PTPRC: variants seen among roughly 807,000 people sequenced by gnomAD.
The protein encoded by PTPRC is protein tyrosine phosphatase receptor type C, also known as receptor-type tyrosine-protein phosphatase C.
A neutral mutation model predicts 155.9 loss-of-function variants in PTPRC; 44 were observed. The observed-to-expected ratio is 0.28, with a 90% CI of 0.22 to 0.36. PTPRC has a LOEUF of 0.36. Among genes scored for constraint, PTPRC ranks in the 10% least tolerant of loss-of-function variants. The pLI is 1.00. For synonymous variants in PTPRC, 525 were observed against 533.1 expected (o/e 0.98, Z 0.21); for missense variants, 1,401 against 1,564.6 (o/e 0.90, Z 1.76).
chr1:198,720,375 G>T (rs1274516016), intron 14 of PTPRC, among the ~76,000 whole-genome samples: 1 of 152,088 alleles, frequency 6.6e-6, no homozygotes, highest in Non-Finnish European at 1.5e-5. Flanking sequence ...TTGTCACCCA[G>T]GCTGGAGTGA....
chr1:198,756,094 T>TGAAG lies in PTPRC; in HGVS notation c.3836_3839dup (p.Ser1281ArgfsTer3). 6.2e-7 allele frequency: 1 copy of TGAAG among 1,613,468 alleles called. No homozygotes were observed. Among genetic ancestry groups the TGAAG allele is most frequent in the Non-Finnish European group, 8.5e-7 (1 of 1,179,684 alleles). Reference sequence around the variant, plus strand: ...AGCTCCCTGAAGCAAAGGAACAGGCTGAAGGTTCTGAACCCACGAGTGGCA... The same window carrying TGAAG: ...AGCTCCCTGAAGCAAAGGAACAGGCTGAAGGAAGGTTCTGAACCCACGAGTGGCA... On this transcript the variant is annotated frameshift_variant, in exon 33 of 33. Transcript: ENST00000442510. LOFTEE classifies it low-confidence loss of function (END_TRUNC).
intron 2 of PTPRC, among the ~76,000 whole-genome samples, chr1:198,658,270 G>C (rs899597086): frequency 3.3e-5 from 5 of 152,144 alleles, no homozygotes; most frequent in African/African-American, 1.2e-4. Context: ...ATAATTCTAT[G>C]AGATAATCTG....
Position 198,717,985 on chromosome 1 carries a change from AC to A in PTPRC, c.1451-104del, listed in dbSNP as rs34800651. Reference sequence around the variant, plus strand: ...TACTATCATAACTTCCTTATTTATAACCCCCAAGCTAACACTTAAAATACTT... The same window carrying A: ...TACTATCATAACTTCCTTATTTATAACCCCAAGCTAACACTTAAAATACTT... On this transcript the variant is annotated intron_variant, in intron 13 of 32. Transcript: ENST00000442510. 0.11 allele frequency: 99,419 copies of A among 903,162 alleles called. 6,291 individuals are homozygous for A. Among genetic ancestry groups the A allele is most frequent in the Non-Finnish European group, 0.13 (72,003 of 565,384 alleles). 55.9% of individuals were successfully genotyped at this position (903,162 alleles called of 1,614,324 possible). A position where few individuals can be genotyped will look rare whatever the true frequency, so the allele number is the denominator to read the frequency against.
chr1:198,659,170 T>TGGAGACACCTGGTCTCTAAGAA (rs1663788903), intron 2 of PTPRC, among the ~76,000 whole-genome samples: 1 of 152,196 alleles, frequency 6.6e-6, no homozygotes, highest in African/African-American at 2.4e-5. Flanking sequence ...AATGGGCTAG[T>TGGAGACACCTGGTCTCTAAGAA]GGAGACACCT....
rs1389745419 is a variant in PTPRC, at chr1:198,709,841, C to T, written c.1171+17C>T. 3.7e-6 allele frequency: 6 copies of T among 1,607,774 alleles called. No homozygotes were observed. The South Asian group carries it at 5.6e-5, about 15-fold the overall frequency. ...ATTTTGGGAGTGAGTATGTTACTTG[C>T]ATTTATATGTAAAATTGCTTCTCTC... On this transcript the variant is annotated intron_variant, in intron 11 of 32. Transcript: ENST00000442510.
chr1:198,714,625 G>T (rs550940296), intron 12 of PTPRC, among the ~76,000 whole-genome samples: 1 of 152,166 alleles, frequency 6.6e-6, no homozygotes, highest in Non-Finnish European at 1.5e-5. Context: ...GCTCTTTGGA[G>T]CCAGCTCTAC....
At chr1:198,683,158 C>T (rs1390995549) in intron 2 of PTPRC, among the ~76,000 whole-genome samples, 1 of 152,088 alleles carries the variant, frequency 6.6e-6, no homozygotes, top group Non-Finnish European at 1.5e-5. Flanking sequence ...GAAGAGAATA[C>T]CATCTACTTT....
At chr1:198,743,134 T>C (rs72738083) in intron 25 of PTPRC, among the ~76,000 whole-genome samples, 1,869 of 140,668 alleles carry the variant, frequency 0.013, 25 homozygotes, top group Non-Finnish European at 0.016. Context: ...TAAATATGTA[T>C]CAATAGGGGA....
At chr1:198,699,808 A>T (rs962253797) in intron 5 of PTPRC, 104 bp downstream of exon 5, 4 of 1,469,892 alleles carry the variant, frequency 2.7e-6, no homozygotes, top group Non-Finnish European at 3.8e-6. Flanking sequence ...ATGTGCAGCT[A>T]TTGCTAGTTG....
At chr1:198,656,305 C>G (rs1220386569) in intron 2 of PTPRC, among the ~76,000 whole-genome samples, 1 of 152,050 alleles carries the variant, frequency 6.6e-6, no homozygotes, top group Non-Finnish European at 1.5e-5. Context: ...AAGACATTTG[C>G]AACTGTGTAA....
intron 3 of PTPRC, chr1:198,693,978 T>A: frequency 2.0e-6 from 3 of 1,536,694 alleles, no homozygotes; most frequent in Non-Finnish European, 2.6e-6. Context: ...GGGTAGTTTA[T>A]GTGATTGACA....
At chr1:198,673,061 A>C (rs1664738579) in intron 2 of PTPRC, among the ~76,000 whole-genome samples, 1 of 152,122 alleles carries the variant, frequency 6.6e-6, no homozygotes, top group Non-Finnish European at 1.5e-5. Context: ...TTTCTTTCTG[A>C]AATGTACTAG....
chr1:198,639,731 C>A (rs1330409354), intron 2 of PTPRC, among the ~76,000 whole-genome samples: 1 of 151,898 alleles, frequency 6.6e-6, no homozygotes, highest in Non-Finnish European at 1.5e-5. Flanking sequence ...CAAATTTGAT[C>A]TTTTAAAAAG....
intron 4 of PTPRC, 129 bp from the exon 5 acceptor site, chr1:198,699,434 CA>C (rs1333391739): frequency 2.7e-6 from 3 of 1,122,004 alleles, no homozygotes; most frequent in Middle Eastern, 2.8e-4. Context: ...CTGACAGACA[CA>C]TTTTAACAGA....
intron 3 of PTPRC, chr1:198,692,579 T>C: frequency 9.5e-7 from 1 of 1,047,928 alleles, no homozygotes; most frequent in East Asian, 3.9e-5. Flanking sequence ...TTATTAAATT[T>C]GTATATATAT....
Position 198,738,007 on chromosome 1 carries a change from A to G in PTPRC, c.2403+2755A>G, listed in dbSNP as rs145415993. ...CACTGCTTGTTTTAATGTTGATTTT[A>G]TATCTCATGACCTTACTGAATTTGT... On this transcript the variant is annotated intron_variant, in intron 23 of 32. Transcript: ENST00000442510. Among the ~76,000 whole-genome samples, 302 of 151,876 alleles carry G rather than the reference A, an allele frequency of 2.0e-3. 1 individual carries two copies. Among genetic ancestry groups the G allele is most frequent in the African/African-American group, 6.8e-3 (281 of 41,506 alleles).
chr1:198,707,102 T>G, intron 9 of PTPRC, 150 bp downstream of exon 9: 1 of 660,424 alleles, frequency 1.5e-6, no homozygotes, highest in Non-Finnish European at 2.6e-6. Flanking sequence ...AACTTTCTGC[T>G]GTCTTAACCA....
At chr1:198,677,070 G>T (rs565148410) in intron 2 of PTPRC, among the ~76,000 whole-genome samples, 5 of 152,132 alleles carry the variant, frequency 3.3e-5, no homozygotes, top group Admixed American at 6.5e-5. Flanking sequence ...ACCATTGATG[G>T]TCACTGAGTG....
At chr1:198,694,491 G>A in intron 3 of PTPRC, 1 of 1,004,142 alleles carries the variant, frequency 1.0e-6, no homozygotes, top group Non-Finnish European at 1.2e-6. Flanking sequence ...GGAGAATGTT[G>A]CATGATTTTC....
Sources: allele counts gnomAD v4.1 joint callset (sites outside exome capture counted in the v4.1 genomes callset), GRCh38; gene constraint gnomAD v4.1.1; transcripts MANE v1.5; gene names NCBI Gene and HGNC (gene_info 2026-07-23, HGNC 2026-07-21).